Variants in RYR2 observed in about 807,000 individuals in gnomAD.
The protein encoded by RYR2 is cardiac muscle ryanodine receptor-calcium release channel.
In RYR2, 227 loss-of-function variants were observed where a neutral mutation model predicts 601.1. The ratio of observed to expected loss-of-function variants is 0.38; its 90% CI spans 0.34 to 0.42. The LOEUF (loss-of-function observed/expected upper bound fraction) is 0.42. Among genes scored for constraint, RYR2 ranks in the 10% least tolerant of loss-of-function variants. The pLI, the probability that RYR2 is intolerant of heterozygous loss-of-function variation, is 1.00. For synonymous variants in RYR2, 2,223 were observed against 2,175.1 expected (o/e 1.02, Z -0.61); for missense variants, 4,646 against 6,156.5 (o/e 0.75, Z 8.21).
chr1:237,114,638 AGC>A (rs1558258868), intron 1 of RYR2, among the ~76,000 whole-genome samples: 2 of 152,210 alleles, frequency 1.3e-5, no homozygotes, highest in Non-Finnish European at 2.9e-5. Flanking sequence ...TAGGGGATAG[AGC>A]ATGACTCCAC....
At chr1:237,414,346 G>C (rs1170041013) in intron 10 of RYR2, among the ~76,000 whole-genome samples, 1 of 151,990 alleles carries the variant, frequency 6.6e-6, no homozygotes, top group African/African-American at 2.4e-5. Context: ...AATGGGTCTA[G>C]TCAAGTGGTT....
At chr1:237,136,454 C>T (rs1015533777) in intron 1 of RYR2, among the ~76,000 whole-genome samples, 1 of 152,132 alleles carries the variant, frequency 6.6e-6, no homozygotes, top group African/African-American at 2.4e-5. Context: ...CAAATTGAAC[C>T]ATTTTCCCAC....
rs147786824 is a variant in RYR2 at position 237,604,139 on chromosome 1, G to A, written c.4683+2028G>A. ...TATACATTCTTCTCATCACCACATC[G>A]CACTTACTCCAAAATTGACCACATA... On this transcript the variant is annotated intron_variant, in intron 35 of 104. Coordinates refer to ENST00000366574, the MANE Select transcript of RYR2 (RefSeq NM_001035.3). 4.9e-3 allele frequency among the ~76,000 whole-genome samples: 752 copies of A among 152,076 alleles called. 24 individuals carry two copies. Among genetic ancestry groups the A allele is most frequent in the East Asian group, 0.048 (250 of 5,160 alleles).
At chr1:237,148,701 C>A (rs1050659159) in intron 1 of RYR2, among the ~76,000 whole-genome samples, 1 of 151,566 alleles carries the variant, frequency 6.6e-6, no homozygotes, top group African/African-American at 2.4e-5. Context: ...GCATTTCAAT[C>A]CTGTTTCTGG....
At chr1:237,287,193 G>A (rs112870646) in intron 2 of RYR2, among the ~76,000 whole-genome samples, 316 of 152,210 alleles carry the variant, frequency 2.1e-3, no homozygotes, top group African/African-American at 7.3e-3. Context: ...TAATCTGATA[G>A]GTTTTCCTTT....
intron 10 of RYR2, among the ~76,000 whole-genome samples, chr1:237,397,180 G>A (rs1013574481): frequency 3.3e-5 from 5 of 151,900 alleles, no homozygotes; most frequent in Admixed American, 6.6e-5. Flanking sequence ...GGAGATTGCA[G>A]TGAGCTGAGG....
At chr1:237,807,115 A>T (rs1269595974) in intron 99 of RYR2, among the ~76,000 whole-genome samples, 1 of 152,192 alleles carries the variant, frequency 6.6e-6, no homozygotes, top group East Asian at 1.9e-4. Context: ...AAATTTCAGC[A>T]TGATTCTTAC....
intron 1 of RYR2, chr1:237,120,671 T>A (rs1422729923): frequency 6.6e-6 from 1 of 152,242 alleles, no homozygotes; most frequent in Non-Finnish European, 1.5e-5. Flanking sequence ...CCTAGGTTTG[T>A]GGTGAGGCTG....
intron 1 of RYR2, among the ~76,000 whole-genome samples, chr1:237,061,111 T>C (rs1223186699): frequency 2.0e-5 from 3 of 152,226 alleles, no homozygotes; most frequent in African/African-American, 7.2e-5. Context: ...CAACTCATGA[T>C]GGGGAACACC....
chr1:237,337,251 CAAAA>C (rs1402777135), intron 3 of RYR2, among the ~76,000 whole-genome samples: 1 of 65,384 alleles, frequency 1.5e-5, no homozygotes, highest in Non-Finnish European at 3.5e-5. Flanking sequence ...GTATCCATCT[CAAAA>C]AAAAAAAAAA....
At chr1:237,664,237 A>C (rs554689394) in intron 56 of RYR2, among the ~76,000 whole-genome samples, 3 of 152,326 alleles carry the variant, frequency 2.0e-5, no homozygotes, top group Admixed American at 2.0e-4. Context: ...CTAAAATACA[A>C]GATAGGATAG....
Position 237,469,091 on chromosome 1 carries a change from G to A in RYR2, c.1613-1G>A. ...GGTGAAATCTATTTCTTCTTTTGCAGCGGCTCTAATTAGAGGAAATCGTAA... is the reference window on the plus strand; with the variant it reads ...GGTGAAATCTATTTCTTCTTTTGCAACGGCTCTAATTAGAGGAAATCGTAA... On this transcript the variant is annotated splice_acceptor_variant, in intron 16 of 104. Transcript: ENST00000366574. LOFTEE classifies it high-confidence loss of function. 1 of 1,612,068 alleles carries A rather than the reference G, an allele frequency of 6.2e-7. No homozygotes were observed. Among genetic ancestry groups the A allele is most frequent in the Non-Finnish European group, 8.5e-7 (1 of 1,178,572 alleles).
Position 237,148,521 on chromosome 1 carries a change from A to ATATATATAT in RYR2, c.48+105952_48+105953insTATATATAT, listed in dbSNP as rs1417305977. 2.0e-3 allele frequency among the ~76,000 whole-genome samples: 86 copies of ATATATATAT among 43,994 alleles called. 1 individual carries two copies. In the South Asian group the frequency reaches 0.024, roughly 12 times the overall value. The allele number at this position is 43,994 out of a possible 152,430, so 28.9% of individuals were successfully genotyped here. A position where few individuals can be genotyped will look rare whatever the true frequency, so the allele number is the denominator to read the frequency against. On this transcript the variant is annotated intron_variant, in intron 1 of 104. Coordinates refer to ENST00000366574, the MANE Select transcript of RYR2 (RefSeq NM_001035.3). ...TGTATCCCAGAACTTCAAGTAAAAA[A>ATATATATAT]AAAAAAATATATATATATATATATA...
chr1:237,468,187 T>C (rs765587951), intron 16 of RYR2, among the ~76,000 whole-genome samples: 21 of 152,188 alleles, frequency 1.4e-4, no homozygotes, highest in Non-Finnish European at 2.8e-4. Flanking sequence ...ATTATTCTTA[T>C]AGAGACATCT....
chr1:237,287,181 G>A (rs894861887), intron 2 of RYR2, among the ~76,000 whole-genome samples: 7 of 152,144 alleles, frequency 4.6e-5, no homozygotes, highest in Admixed American at 6.5e-5. Flanking sequence ...GAAATCTGCT[G>A]TTAATCTGAT....
At chr1:237,777,680 C>G (rs867785459) in intron 87 of RYR2, among the ~76,000 whole-genome samples, 1 of 152,122 alleles carries the variant, frequency 6.6e-6, no homozygotes, top group South Asian at 2.1e-4. Context: ...AGCGGATCCA[C>G]CCTAGTATTG....
At chr1:237,385,300 C>T (rs1224247230) in intron 8 of RYR2, among the ~76,000 whole-genome samples, 1 of 152,086 alleles carries the variant, frequency 6.6e-6, no homozygotes, top group Non-Finnish European at 1.5e-5. Flanking sequence ...ACACAAAATA[C>T]ACAAAATGCT....
chr1:237,145,965 C>G (rs933377175), intron 1 of RYR2, among the ~76,000 whole-genome samples: 2 of 152,146 alleles, frequency 1.3e-5, no homozygotes, highest in Non-Finnish European at 2.9e-5. Flanking sequence ...CTGTGTAAGA[C>G]TTCAGAATCT....
chr1:237,622,396 T>C (rs553267), intron 38 of RYR2, among the ~76,000 whole-genome samples: 120,391 of 152,126 alleles, frequency 0.79, 48,043 homozygotes, highest in Non-Finnish European at 0.83. Flanking sequence ...TGGAAAATTC[T>C]ACACGTAAAT....
Sources: allele counts gnomAD v4.1 joint callset (sites outside exome capture counted in the v4.1 genomes callset), GRCh38; gene constraint gnomAD v4.1.1; transcripts MANE v1.5; gene names NCBI Gene and HGNC (gene_info 2026-07-23, HGNC 2026-07-21).